USP34: variants seen among roughly 807,000 people sequenced by gnomAD.
The protein encoded by USP34 is ubiquitin specific peptidase 34, also known as ubiquitin carboxyl-terminal hydrolase 34.
In USP34, 70 loss-of-function variants were observed where a neutral mutation model predicts 460.3. That is an observed-to-expected ratio of 0.15 (90% CI 0.13 to 0.19). The LOEUF is 0.19. Ranked by LOEUF, USP34 falls within the 10% of genes least tolerant of loss-of-function variation. USP34 has a pLI of 1.00. For synonymous variants in USP34, 1,647 were observed against 1,405.3 expected (o/e 1.17, Z -3.85); for missense variants, 3,985 against 4,236.2 (o/e 0.94, Z 1.65).
At chr2:61,198,577 G>A (rs1003061823) in intron 75 of USP34, among the ~76,000 whole-genome samples, 3 of 146,334 alleles carry the variant, frequency 2.1e-5, no homozygotes, top group Non-Finnish European at 3.0e-5. Context: ...TTTTTTTTAA[G>A]AGAGAGAAAT....
chr2:61,229,054 A>G (rs1687809880), intron 59 of USP34, 59 bp from the exon 60 acceptor site: 1 of 1,321,096 alleles, frequency 7.6e-7, no homozygotes, highest in Admixed American at 2.6e-5. Context: ...ACTGTTCGAG[A>G]GAAAAAGTAC....
At chr2:61,312,036 T>G (rs1690608766) in intron 25 of USP34, 126 bp from the exon 26 acceptor site, 1 of 1,145,362 alleles carries the variant, frequency 8.7e-7, no homozygotes, top group Non-Finnish European at 1.2e-6. Flanking sequence ...TCCAATGTAT[T>G]CTACAGCAAC....
At chr2:61,340,453 T>C (rs1361375342) in intron 16 of USP34, among the ~76,000 whole-genome samples, 2 of 152,252 alleles carry the variant, frequency 1.3e-5, no homozygotes, top group Non-Finnish European at 2.9e-5. Flanking sequence ...TAAGGTATTA[T>C]GTATGTTTAA....
chr2:61,253,501 C>T (rs1343898257), intron 48 of USP34, among the ~76,000 whole-genome samples: 1 of 152,186 alleles, frequency 6.6e-6, no homozygotes, highest in Non-Finnish European at 1.5e-5. Flanking sequence ...TTTCATTTGA[C>T]TATGTCCACC....
chr2:61,457,821 C>T (rs1695481862), intron 1 of USP34, among the ~76,000 whole-genome samples: 1 of 152,152 alleles, frequency 6.6e-6, no homozygotes, highest in African/African-American at 2.4e-5. Context: ...GTACTCCAGC[C>T]TGAGTGACAG....
intron 72 of USP34, among the ~76,000 whole-genome samples, chr2:61,204,851 T>G (rs1023198588): frequency 5.3e-5 from 8 of 152,164 alleles, no homozygotes; most frequent in Non-Finnish European, 1.2e-4. Context: ...GTTTTAAGTA[T>G]GAGATATTTT....
chr2:61,262,045 C>G (rs59336770), intron 43 of USP34, among the ~76,000 whole-genome samples: 5 of 131,260 alleles, frequency 3.8e-5, no homozygotes, highest in East Asian at 2.2e-4. Context: ...GAGCCAAGAT[C>G]GCGCCACTGC....
In USP34 at chr2:61,350,607, A is replaced by G; in HGVS notation, c.1338T>C (p.Asn446=). The change falls in exon 11 of 80, where the codon AAT becomes AAC. Residue 446 remains asparagine, a synonymous_variant. Transcript: ENST00000398571. The part of the protein sequence containing the change: ...LDPVPLRHLL[N]LVSALEPSVH... ...CACTTGGCTCAAGAGCTGAGACCAG[A>G]TTAAGTAGATGTCTAAGTGGTACGG... 1 of 1,613,870 alleles carries G rather than the reference A, an allele frequency of 6.2e-7. No individual in the cohort carries two copies. The highest frequency in any genetic ancestry group is 1.3e-5 in the African/African-American group (1 of 75,010).
chr2:61,193,185 C>T (rs575049009), intron 75 of USP34: 3 of 445,294 alleles, frequency 6.7e-6, no homozygotes, highest in South Asian at 3.7e-5. Flanking sequence ...ATATCCTATA[C>T]CTCATTCCTG....
intron 58 of USP34, among the ~76,000 whole-genome samples, chr2:61,231,784 A>C (rs1687913068): frequency 6.9e-6 from 1 of 144,434 alleles, no homozygotes; most frequent in Non-Finnish European, 1.5e-5. Flanking sequence ...AGGCAAGAGG[A>C]CTGCTTGTGA....
intron 10 of USP34, among the ~76,000 whole-genome samples, chr2:61,364,921 C>T (rs1446468525): frequency 2.0e-5 from 3 of 151,108 alleles, no homozygotes; most frequent in Non-Finnish European, 4.4e-5. Context: ...CAGAGCAAGA[C>T]TCTGTCTCAA....
intron 53 of USP34, among the ~76,000 whole-genome samples, chr2:61,241,101 G>A (rs1020975357): frequency 6.6e-6 from 1 of 152,056 alleles, no homozygotes; most frequent in Non-Finnish European, 1.5e-5. Context: ...CTGGAGTGCA[G>A]TGGTGTGATC....
intron 15 of USP34, among the ~76,000 whole-genome samples, chr2:61,344,630 T>G (rs1691707508): frequency 6.6e-6 from 1 of 152,138 alleles, no homozygotes; most frequent in Non-Finnish European, 1.5e-5. Flanking sequence ...ATTAAATCAT[T>G]AGGTCTTGTG....
chr2:61,385,997 C>CAAAAAAAAA (rs58518474), intron 5 of USP34, among the ~76,000 whole-genome samples: 1 of 99,450 alleles, frequency 1.0e-5, no homozygotes. Context: ...ACTCTGTCTC[C>CAAAAAAAAA]AAAAAAAAAA....
At chr2:61,429,417 A>T (rs1694601706) in intron 1 of USP34, among the ~76,000 whole-genome samples, 1 of 152,226 alleles carries the variant, frequency 6.6e-6, no homozygotes, top group South Asian at 2.1e-4. Flanking sequence ...ACTGCACTCC[A>T]GCCTGGGCAA....
At chr2:61,338,924 A>T (rs1691507428) in intron 18 of USP34, among the ~76,000 whole-genome samples, 1 of 152,212 alleles carries the variant, frequency 6.6e-6, no homozygotes, top group South Asian at 2.1e-4. Context: ...AGACATTAAA[A>T]GATACATCTA....
intron 1 of USP34, among the ~76,000 whole-genome samples, chr2:61,448,750 A>G (rs1175115629): frequency 2.0e-5 from 3 of 152,236 alleles, no homozygotes; most frequent in Non-Finnish European, 2.9e-5. Flanking sequence ...CCATATTTCT[A>G]TATATTAGCA....
chr2:61,300,249 C>T (rs1013887893), intron 29 of USP34, among the ~76,000 whole-genome samples: 1 of 152,116 alleles, frequency 6.6e-6, no homozygotes, highest in African/African-American at 2.4e-5. Flanking sequence ...AAAAGGTTTA[C>T]ATTATTTCGC....
At chr2:61,263,814 G>C (rs926652302) in intron 43 of USP34, among the ~76,000 whole-genome samples, 2 of 152,126 alleles carry the variant, frequency 1.3e-5, no homozygotes, top group Non-Finnish European at 2.9e-5. Flanking sequence ...GGTAGAGATA[G>C]GGTTTCACCA....
Sources: allele counts gnomAD v4.1 joint callset (sites outside exome capture counted in the v4.1 genomes callset), GRCh38; gene constraint gnomAD v4.1.1; transcripts MANE v1.5; gene names NCBI Gene and HGNC (gene_info 2026-07-23, HGNC 2026-07-21).